The following AKAP8L variants were observed in gnomAD, a reference collection of about 807,000 sequenced individuals.
The protein encoded by AKAP8L is A-kinase anchoring protein 8 like, also known as A-kinase anchor protein 8-like.
In AKAP8L, 34 loss-of-function variants were observed where a neutral mutation model predicts 77.5. The ratio of observed to expected loss-of-function variants is 0.44; its 90% confidence interval spans 0.33 to 0.58. The LOEUF is 0.58. AKAP8L is among the 20% of genes least tolerant of loss of function. The pLI is 0.02. For synonymous variants in AKAP8L, 342 were observed against 340.7 expected, an observed-to-expected ratio of 1.00 and a Z score of -0.04; for missense variants, 806 against 887.6, an observed-to-expected ratio of 0.91 and a Z score of 1.17.
chr19:15,409,151 A>G (rs931257140), intron 2 of AKAP8L, among the ~76,000 whole-genome samples: 2 of 152,228 alleles, frequency 1.3e-5, no homozygotes, highest in African/African-American at 4.8e-5. Flanking sequence ...TTGGGCTTCA[A>G]AATTAACAAC....
At chr19:15,394,252 G>T (rs1967723065) in intron 12 of AKAP8L, among the ~76,000 whole-genome samples, 1 of 152,154 alleles carries the variant, frequency 6.6e-6, no homozygotes, top group African/African-American at 2.4e-5. Context: ...AAGGAATGAA[G>T]TTCTGATACA....
At chr19:15,382,761 G>C (rs2145100966) in intron 12 of AKAP8L, among the ~76,000 whole-genome samples, 1 of 152,296 alleles carries the variant, frequency 6.6e-6, no homozygotes, top group East Asian at 1.9e-4. Flanking sequence ...TCAAGTTCAG[G>C]AGTTCAAGGC....
intron 1 of AKAP8L, among the ~76,000 whole-genome samples, chr19:15,415,729 AC>A (rs1270666708): frequency 3.9e-5 from 6 of 152,074 alleles, no homozygotes. Context: ...TACTAAAAAT[AC>A]AAAAAATTAG....
intron 12 of AKAP8L, among the ~76,000 whole-genome samples, chr19:15,385,312 G>C (rs1282947535): frequency 6.9e-6 from 1 of 145,398 alleles, no homozygotes; most frequent in Non-Finnish European, 1.5e-5. Flanking sequence ...CTCCCGAGTA[G>C]CTGGGACTAC....
At chr19:15,380,694 A>T in intron 12 of AKAP8L, 82 bp from the exon 13 acceptor site, 2 of 1,324,964 alleles carry the variant, frequency 1.5e-6, no homozygotes, top group Admixed American at 3.7e-5. Flanking sequence ...GCTTAGAGGG[A>T]CCCCACCCCG....
At chr19:15,400,082 C>A in intron 8 of AKAP8L, 1 of 606,620 alleles carries the variant, frequency 1.6e-6, no homozygotes, top group South Asian at 2.0e-5. Flanking sequence ...CAGGGGTCAC[C>A]ACCATCCACA....
intron 2 of AKAP8L, among the ~76,000 whole-genome samples, chr19:15,409,885 C>A (rs983962972): frequency 6.6e-6 from 1 of 152,164 alleles, no homozygotes; most frequent in Non-Finnish European, 1.5e-5. Context: ...TCTCCCACAG[C>A]AAGGACATGC....
In AKAP8L at chr19:15,399,311, A is replaced by C. The variant is rs1967841212; in HGVS notation, c.1148T>G (p.Met383Arg). 6.2e-7 allele frequency: 1 copy of C among 1,613,712 alleles called. No individual in the cohort carries two copies. The highest frequency in any genetic ancestry group is 8.5e-7 in the Non-Finnish European group (1 of 1,179,742). Residue 383 changes from methionine (M) to arginine (R), a missense_variant, in exon 9 of 14, where the codon ATG (methionine) becomes AGG (arginine). Coordinates refer to ENST00000397410, the MANE Select transcript of AKAP8L (RefSeq NM_014371.4). This position sits in a 1 kb window ranked among gnomAD's most constrained non-coding sequence, Gnocchi z 6.1. The part of the protein sequence containing the change: ...DKQKKRQRDR[M>R]VERIQFVCSL... ...GAGGGAAGCTGGTTACCTTTCCACC[A>C]TGCGGTCTCGCTGCCGCTTTTTCTG...
In AKAP8L at chr19:15,403,777, G is replaced by T; in HGVS notation, c.122-62C>A. On this transcript the variant is annotated intron_variant, in intron 3 of 13. Coordinates refer to ENST00000397410, the MANE Select transcript of AKAP8L (RefSeq NM_014371.4). The surrounding 1 kb of genome is among the most constrained non-coding windows in gnomAD (Gnocchi z 4.3). ...GGCAGGCAGAGGGGAGGCAGACAGA[G>T]ACAGAGACAAACACAGATACAAGGG... 7.5e-7 allele frequency: 1 copy of T among 1,338,564 alleles called. No individual in the cohort carries two copies. Among genetic ancestry groups the T allele is most frequent in the Non-Finnish European group, 1.0e-6 (1 of 952,840 alleles). The allele number at this position is 1,338,564 out of a possible 1,614,324, so 82.9% of individuals were successfully genotyped here.
intron 12 of AKAP8L, among the ~76,000 whole-genome samples, chr19:15,395,772 CAGG>C (rs934422555): frequency 1.4e-5 from 2 of 145,510 alleles, no homozygotes; most frequent in Non-Finnish European, 3.0e-5. Context: ...ATCACGAGGT[CAGG>C]AGATCGAGAC....
At chr19:15,395,811 C>A (rs948412539) in intron 12 of AKAP8L, among the ~76,000 whole-genome samples, 1 of 141,242 alleles carries the variant, frequency 7.1e-6, no homozygotes, top group African/African-American at 2.6e-5. Flanking sequence ...GGTGAAACCC[C>A]GTCTCTACTA....
At chr19:15,387,655 C>T (rs945845147) in intron 12 of AKAP8L, among the ~76,000 whole-genome samples, 1 of 152,010 alleles carries the variant, frequency 6.6e-6, no homozygotes, top group Non-Finnish European at 1.5e-5. Flanking sequence ...TCTCAAACAA[C>T]CACCTCAAAA....
intron 12 of AKAP8L, among the ~76,000 whole-genome samples, chr19:15,383,019 T>C (rs1008746403): frequency 8.5e-5 from 13 of 152,306 alleles, no homozygotes; most frequent in Non-Finnish European, 1.9e-4. Flanking sequence ...CCATCCCTTA[T>C]CTATAAACTG....
In AKAP8L at chr19:15,399,787, G is replaced by A; in HGVS notation, c.1049-377C>T. 1 of 333,512 alleles carries A rather than the reference G, an allele frequency of 3.0e-6. No individual in the cohort carries two copies. Among genetic ancestry groups the A allele is most frequent in the Non-Finnish European group, 5.7e-6 (1 of 175,976 alleles). 20.7% of individuals were successfully genotyped at this position (333,512 alleles called of 1,614,324 possible). On this transcript the variant is annotated intron_variant, in intron 8 of 13. Coordinates refer to ENST00000397410, the MANE Select transcript of AKAP8L (RefSeq NM_014371.4). The surrounding 1 kb of genome is among the most constrained non-coding windows in gnomAD (Gnocchi z 6.1). ...CATGGCCCTGCCCACCCCCAACCGG[G>A]CACCGCGGCAACAGTGGGCTGACGC...
chr19:15,397,416 C>T lies in AKAP8L; in HGVS notation c.1405+104G>A. 1 of 1,480,964 alleles carries T rather than the reference C, an allele frequency of 6.8e-7. No homozygotes were observed. Among genetic ancestry groups the T allele is most frequent in the Non-Finnish European group, 9.3e-7 (1 of 1,076,626 alleles). The allele number at this position is 1,480,964 out of a possible 1,614,324, so 91.7% of individuals were successfully genotyped here. A position where few individuals can be genotyped will look rare whatever the true frequency, so the allele number is the denominator to read the frequency against. On this transcript the variant is annotated intron_variant, in intron 11 of 13. Coordinates refer to ENST00000397410, the MANE Select transcript of AKAP8L (RefSeq NM_014371.4). This position sits in a 1 kb window ranked among gnomAD's most constrained non-coding sequence, Gnocchi z 4.7. ...CTGGGCCTGAGCCAAGGCTGGTCTC[C>T]TGACCTTCCCTGGGGGAACAGAAGG...
rs1967812684 is a variant in AKAP8L at position 15,397,965 on chromosome 19, T to C, written c.1158-110A>G. 2.9e-6 allele frequency: 4 copies of C among 1,378,958 alleles called. No homozygotes were observed. The Admixed American group carries it at 8.5e-5, about 29-fold the overall frequency. The allele number at this position is 1,378,958 out of a possible 1,614,324, so 85.4% of individuals were successfully genotyped here. ...CTGAAACAGGCCTTGCTCACGGGCC[T>C]CTGAAGTACGGTCCCAGCAGAGGGA... On this transcript the variant is annotated intron_variant, in intron 9 of 13. Coordinates refer to ENST00000397410, the MANE Select transcript of AKAP8L (RefSeq NM_014371.4). The surrounding 1 kb of genome is among the most constrained non-coding windows in gnomAD (Gnocchi z 4.7).
chr19:15,410,663 C>G (rs1968090414), intron 1 of AKAP8L, 69 bp from the exon 2 acceptor site: 2 of 1,281,846 alleles, frequency 1.6e-6, no homozygotes, highest in Non-Finnish European at 2.2e-6. Flanking sequence ...GACTACCTAA[C>G]CTTTGGTATA....
At chr19:15,387,421 A>C (rs1355370865) in intron 12 of AKAP8L, among the ~76,000 whole-genome samples, 2 of 152,222 alleles carry the variant, frequency 1.3e-5, no homozygotes, top group Admixed American at 1.3e-4. Flanking sequence ...AGGGAGGAAA[A>C]AAATTAAAAG....
intron 12 of AKAP8L, among the ~76,000 whole-genome samples, chr19:15,386,875 T>A (rs530574863): frequency 3.3e-5 from 5 of 152,166 alleles, no homozygotes; most frequent in Non-Finnish European, 7.3e-5. Flanking sequence ...TCCAGGCTGG[T>A]CTTGAACTCC....
Sources: gnomAD v4.1 joint callset for allele counts (sites outside exome capture counted in the v4.1 genomes callset) on GRCh38, gnomAD v4.1.1 for gene constraint, Gnocchi (gnomAD v3.1) non-coding constraint, MANE v1.5 for transcripts, NCBI Gene and HGNC (gene_info 2026-07-23, HGNC 2026-07-21) for gene names.